The following TPCN1 variants were observed in gnomAD, a reference collection of about 807,000 sequenced individuals.
TPCN1 encodes the protein two pore channel protein 1.
A neutral mutation model predicts 108.8 loss-of-function variants in TPCN1; 52 were observed. That is an observed-to-expected ratio of 0.48 (90% CI 0.38 to 0.60). The LOEUF (loss-of-function observed/expected upper bound fraction) is 0.60, where lower values mean the gene tolerates loss of function less well. TPCN1 is among the 20% of genes least tolerant of loss of function. TPCN1 has a pLI of 0.00. For missense variants in TPCN1, 806 were observed against 1,072.8 expected (o/e 0.75, Z 3.47); for synonymous variants, 446 against 433.7 (o/e 1.03, Z -0.35).
intron 15 of TPCN1, among the ~76,000 whole-genome samples, chr12:113,281,031 AATCTTACAC>A (rs1164950326): frequency 3.7e-4 from 56 of 152,118 alleles, no homozygotes; most frequent in African/African-American, 1.3e-3. Flanking sequence ...TGATTTCATC[AATCTTACAC>A]GTCTAGATTC....
intron 2 of TPCN1, among the ~76,000 whole-genome samples, chr12:113,239,962 C>T (rs758529620): frequency 2.6e-5 from 4 of 152,088 alleles, no homozygotes; most frequent in South Asian, 2.1e-4. Flanking sequence ...TCCAAGCTGC[C>T]GGCTGCGCTG....
At chr12:113,249,052 T>G (rs1954521733) in intron 2 of TPCN1, among the ~76,000 whole-genome samples, 1 of 152,062 alleles carries the variant, frequency 6.6e-6, no homozygotes, top group Non-Finnish European at 1.5e-5. Flanking sequence ...GCCTCCTGAT[T>G]CCTGAGGCCC....
chr12:113,244,217 A>ACTT (rs1343170745), intron 2 of TPCN1: 1 of 712,270 alleles, frequency 1.4e-6, no homozygotes, highest in African/African-American at 1.9e-5. Context: ...TCCCTCTAGA[A>ACTT]CAGGGCTTGA....
intron 2 of TPCN1, among the ~76,000 whole-genome samples, chr12:113,239,710 G>A (rs1415059108): frequency 6.6e-6 from 1 of 152,120 alleles, no homozygotes; most frequent in African/African-American, 2.4e-5. Context: ...TTGGATGTTT[G>A]GGTCTCTGCT....
chr12:113,250,543 C>T (rs1014443703), intron 2 of TPCN1, among the ~76,000 whole-genome samples: 8 of 152,238 alleles, frequency 5.3e-5, no homozygotes, highest in Non-Finnish European at 1.0e-4. Context: ...TTCCTACAGT[C>T]CCCACTAAGG....
intron 2 of TPCN1, among the ~76,000 whole-genome samples, chr12:113,243,468 A>G (rs1954228160): frequency 6.6e-6 from 1 of 151,658 alleles, no homozygotes; most frequent in African/African-American, 2.4e-5. Flanking sequence ...CTGTAATCCC[A>G]CTCCATGGGA....
intron 10 of TPCN1, among the ~76,000 whole-genome samples, chr12:113,276,423 G>T (rs1365951852): frequency 6.6e-6 from 1 of 152,124 alleles, no homozygotes; most frequent in Non-Finnish European, 1.5e-5. Context: ...TGGGCCACAC[G>T]TGAAGCAGTG....
At chr12:113,256,873 A>G (rs536661952) in intron 2 of TPCN1, among the ~76,000 whole-genome samples, 13 of 152,188 alleles carry the variant, frequency 8.5e-5, no homozygotes, top group Non-Finnish European at 1.5e-4. Flanking sequence ...AAAAGAATAA[A>G]TGGATAAGTT....
Position 113,277,344 on chromosome 12 carries a change from G to A in TPCN1, c.1164G>A (p.Gln388=), listed in dbSNP as rs778403159. The A allele has an allele frequency of 6.2e-7, 1 of 1,614,166 alleles. No homozygotes were observed. Among genetic ancestry groups the A allele is most frequent in the Non-Finnish European group, 8.5e-7 (1 of 1,180,024 alleles). The change falls in exon 12 of 28, where the codon CAG becomes CAA. Residue 388 remains glutamine (Q), a synonymous_variant. Coordinates refer to ENST00000335509, the MANE Select transcript of TPCN1 (RefSeq NM_017901.6). ...ATCTTACCTTCAAGGCCCTGAATCA[G>A]AACAACACACCCCTGCTCAGGTAAG... The part of the protein sequence containing the change: ...ERYLTFKALN[Q]NNTPLLSLKD...
rs776505993 is a variant in TPCN1, at chr12:113,296,040, CCCAGGCAGCCG to C, written c.2420_2430del (p.Gly807AlafsTer19). 1.2e-6 allele frequency: 2 copies of C among 1,613,292 alleles called. No individual in the cohort carries two copies. Among genetic ancestry groups the C allele is most frequent in the Non-Finnish European group, 1.7e-6 (2 of 1,179,894 alleles). Reference sequence around the variant, plus strand: ...GTGCAGCCCCCGCCGCCCAGCAGCCCCCAGGCAGCCGCCAGCGCTCCCAGACCGTTACCTAG... The same window carrying C: ...GTGCAGCCCCCGCCGCCCAGCAGCCCCCAGCGCTCCCAGACCGTTACCTAG... On this transcript the variant is annotated frameshift_variant, in exon 28 of 28. Transcript: ENST00000335509. LOFTEE classifies it high-confidence loss of function.
rs1955263871 is a variant in TPCN1 at position 113,266,410 on chromosome 12, A to G, written c.414+54A>G. 6.3e-6 allele frequency: 10 copies of G among 1,586,672 alleles called. No individual in the cohort carries two copies. Among genetic ancestry groups the G allele is most frequent in the Non-Finnish European group, 8.5e-6 (10 of 1,171,010 alleles). On this transcript the variant is annotated intron_variant, in intron 4 of 27. Coordinates refer to ENST00000335509, the MANE Select transcript of TPCN1 (RefSeq NM_017901.6). The surrounding 1 kb of genome is among the most constrained non-coding windows in gnomAD (Gnocchi z 4.2). ...GCTGGGAGCCACGGCTTTCAGGGCA[A>G]GCGATGGAACTCCAAAAAGGAACAT...
intron 2 of TPCN1, among the ~76,000 whole-genome samples, chr12:113,258,224 T>C (rs1216276424): frequency 2.0e-5 from 3 of 152,216 alleles, no homozygotes; most frequent in Admixed American, 6.5e-5. Flanking sequence ...CCCAGAACTT[T>C]GGGAGGCCCA....
In TPCN1 at chr12:113,288,166, G is replaced by GT; in HGVS notation, c.1641dup (p.Lys548Ter). ...GACGGGTGTCCTCCTCGCTCAGGTT[G>GT]TTTAAGTTGAAGGAGCGCTACCGCA... On this transcript the variant is annotated frameshift_variant, in exon 20 of 28. Coordinates refer to ENST00000335509, the MANE Select transcript of TPCN1 (RefSeq NM_017901.6). LOFTEE classifies it high-confidence loss of function. The surrounding 1 kb of genome is among the most constrained non-coding windows in gnomAD (Gnocchi z 4.8). The GT allele has an allele frequency of 6.2e-7, 1 of 1,613,154 alleles. No individual in the cohort carries two copies. Among genetic ancestry groups the GT allele is most frequent in the Non-Finnish European group, 8.5e-7 (1 of 1,179,450 alleles).
chr12:113,286,837 C>T (rs1466728738), intron 18 of TPCN1, 150 bp from the exon 19 acceptor site: 1 of 647,198 alleles, frequency 1.5e-6, no homozygotes, highest in Admixed American at 2.5e-5. Context: ...CCCAGGGTGG[C>T]AGGAAGTTCT....
Position 113,284,574 on chromosome 12 carries a change from AT to A in TPCN1, c.1343-4del. 1 of 1,614,072 alleles carries A rather than the reference AT, an allele frequency of 6.2e-7. No individual in the cohort carries two copies. The highest frequency in any genetic ancestry group is 8.5e-7 in the Non-Finnish European group (1 of 1,180,032). On this transcript the variant is annotated splice_polypyrimidine_tract_variant and splice_region_variant and intron_variant, in intron 15 of 27. Transcript: ENST00000335509. This position sits in a 1 kb window ranked among gnomAD's most constrained non-coding sequence, Gnocchi z 4.1. The stretch of plus-strand genomic sequence containing the variant: ...TTCTCTGTCTTTTACGGGCCTGTGT[AT>A]TTCAGACTTGGTGGTGGCAGTCAAC...
chr12:113,283,335 C>T (rs1478142513), intron 15 of TPCN1, among the ~76,000 whole-genome samples: 2 of 151,964 alleles, frequency 1.3e-5, no homozygotes, highest in Non-Finnish European at 2.9e-5. Context: ...CCCTGGAGAC[C>T]GTAATATGTA....
At position 113,272,674 on chromosome 12, in the gene TPCN1, C is replaced by T. The variant is rs772732651; in HGVS notation, c.765C>T (p.Ser255=). The change falls in exon 8 of 28, where the codon TCC becomes TCT. Residue 255 remains serine (S), a synonymous_variant. Transcript: ENST00000335509. This position sits in a 1 kb window ranked among gnomAD's most constrained non-coding sequence, Gnocchi z 4.1. ...CACTTCTAGGTTTCTACTTGTTCTC[C>T]CCTAACCCTTCAGACCCCGTAAGTA... ...IFAILGFYLF[S]PNPSDPYFST... 3 of 1,613,982 alleles carry T rather than the reference C, an allele frequency of 1.9e-6. No homozygotes were observed. Among genetic ancestry groups the T allele is most frequent in the East Asian group, 4.5e-5 (2 of 44,870 alleles).
chr12:113,246,891 C>T (rs974523832), intron 2 of TPCN1, among the ~76,000 whole-genome samples: 2 of 152,172 alleles, frequency 1.3e-5, no homozygotes, highest in Non-Finnish European at 2.9e-5. Flanking sequence ...TGGGGTGATG[C>T]GGGGTGAGCC....
In TPCN1 at chr12:113,284,841, AGAACCTCATGGTTCT is replaced by A. The variant is rs1322876268; in HGVS notation, c.1453+71_1453+85del. ...GTCTGGGAGAACTTTCATTCAGTGTAGAACCTCATGGTTCTTCTCTAAAACAGGAAGCTATAAAGA... is the reference window on the plus strand; with the variant it reads ...GTCTGGGAGAACTTTCATTCAGTGTATCTCTAAAACAGGAAGCTATAAAGA... On this transcript the variant is annotated intron_variant, in intron 17 of 27. Transcript: ENST00000335509. The surrounding 1 kb of genome is among the most constrained non-coding windows in gnomAD (Gnocchi z 4.1). 1.3e-6 allele frequency: 2 copies of A among 1,519,090 alleles called. No homozygotes were observed. The highest frequency in any genetic ancestry group is 1.8e-6 in the Non-Finnish European group (2 of 1,094,040). The allele number at this position is 1,519,090 out of a possible 1,614,324, so 94.1% of individuals were successfully genotyped here. A position where few individuals can be genotyped will look rare whatever the true frequency, so the allele number is the denominator to read the frequency against.
Sources: allele counts gnomAD v4.1 joint callset (sites outside exome capture counted in the v4.1 genomes callset), GRCh38; gene constraint gnomAD v4.1.1; non-coding constraint Gnocchi (gnomAD v3.1); transcripts MANE v1.5; gene names NCBI Gene and HGNC (gene_info 2026-07-23, HGNC 2026-07-21).